LRP1B: variants seen among roughly 807,000 people sequenced by gnomAD.
The protein encoded by LRP1B is low-density lipoprotein receptor-related protein 1B.
Under a neutral mutation model 556.6 loss-of-function variants are expected in LRP1B, and 217 were observed. That is an observed-to-expected ratio of 0.39 (90% CI 0.35 to 0.44). LRP1B has a LOEUF of 0.44. Ranked by LOEUF, LRP1B falls within the 20% of genes least tolerant of loss-of-function variation. The pLI is 1.00. For missense variants in LRP1B, 5,053 were observed against 5,620.8 expected, an observed-to-expected ratio of 0.90 and a Z score of 3.23; for synonymous variants, 2,047 against 1,865.8, an observed-to-expected ratio of 1.10 and a Z score of -2.50.
chr2:141,520,752 C>T (rs141684796), intron 2 of LRP1B, among the ~76,000 whole-genome samples: 1 of 152,116 alleles, frequency 6.6e-6, no homozygotes, highest in Non-Finnish European at 1.5e-5. Flanking sequence ...GTATCTGTAA[C>T]TCCTTACAAT....
chr2:141,495,037 C>G (rs943074980), intron 2 of LRP1B, among the ~76,000 whole-genome samples: 11 of 151,860 alleles, frequency 7.2e-5, no homozygotes, highest in African/African-American at 2.4e-4. Context: ...TGTCTTGGCT[C>G]AGGAAAAAAT....
intron 2 of LRP1B, among the ~76,000 whole-genome samples, chr2:141,534,378 T>C (rs1684993998): frequency 6.6e-6 from 1 of 152,188 alleles, no homozygotes; most frequent in Admixed American, 6.6e-5. Flanking sequence ...CCCTTGCGTA[T>C]CCAAATATCA....
chr2:140,812,185 G>T lies in LRP1B; in HGVS notation c.5359+1472C>A, dbSNP rs1690952060. On this transcript the variant is annotated intron_variant, in intron 32 of 90. Transcript: ENST00000389484. The stretch of plus-strand genomic sequence containing the variant: ...AGGGAAACGTAGAGAGTGCTTTAAG[G>T]ACCAAATTAATAGGCATCAGATGCC... Among the ~76,000 whole-genome samples the T allele has an allele frequency of 1.3e-5, 2 of 152,038 alleles. 1 individual carries two copies. The highest frequency in any genetic ancestry group is 4.1e-4 in the South Asian group (2 of 4,830).
At chr2:140,597,765 A>G (rs144494894) in intron 43 of LRP1B, among the ~76,000 whole-genome samples, 2 of 152,282 alleles carry the variant, frequency 1.3e-5, no homozygotes, top group African/African-American at 4.8e-5. Flanking sequence ...TATATTCTCT[A>G]TGTCTGTGTT....
chr2:141,097,815 T>A (rs571378535), intron 7 of LRP1B, among the ~76,000 whole-genome samples: 1 of 152,306 alleles, frequency 6.6e-6, no homozygotes, highest in African/African-American at 2.4e-5. Flanking sequence ...CTTTTCTAAT[T>A]CATAAATGAA....
chr2:141,193,390 T>C (rs989380736), intron 6 of LRP1B, among the ~76,000 whole-genome samples: 5 of 151,958 alleles, frequency 3.3e-5, no homozygotes, highest in Non-Finnish European at 4.4e-5. Context: ...TGCATATATA[T>C]ACCATGGAAT....
At chr2:140,342,051 T>C in intron 77 of LRP1B, among the ~76,000 whole-genome samples, 1 of 151,434 alleles carries the variant, frequency 6.6e-6, no homozygotes, top group East Asian at 1.9e-4. Context: ...GAATGGCTAT[T>C]ATTAAAACAT....
chr2:141,794,178 GA>G (rs1335257502), intron 2 of LRP1B, among the ~76,000 whole-genome samples: 3 of 152,026 alleles, frequency 2.0e-5, no homozygotes, highest in African/African-American at 4.8e-5. Context: ...ACTCATGAAT[GA>G]ATGGGTTTTG....
At chr2:141,679,209 C>T (rs533303580) in intron 2 of LRP1B, among the ~76,000 whole-genome samples, 1 of 152,144 alleles carries the variant, frequency 6.6e-6, no homozygotes, top group Middle Eastern at 3.4e-3. Context: ...TGAATCTCCC[C>T]CAACAGAACC....
At chr2:140,642,871 C>A (rs970683231) in intron 41 of LRP1B, among the ~76,000 whole-genome samples, 7 of 151,102 alleles carry the variant, frequency 4.6e-5, no homozygotes, top group African/African-American at 1.7e-4. Context: ...AACAAACAAA[C>A]AAAAAAATGG....
chr2:142,079,518 T>C (rs1396350721), intron 1 of LRP1B, among the ~76,000 whole-genome samples: 1 of 152,098 alleles, frequency 6.6e-6, no homozygotes, highest in African/African-American at 2.4e-5. Flanking sequence ...TATTTTTTTA[T>C]TTTTTCTGAG....
At chr2:141,502,757 G>T (rs1163847174) in intron 2 of LRP1B, among the ~76,000 whole-genome samples, 7 of 151,914 alleles carry the variant, frequency 4.6e-5, no homozygotes, top group African/African-American at 1.7e-4. Context: ...TACTCAGGAG[G>T]CTGAGGCAGG....
At chr2:141,128,181 G>A (rs1479022818) in intron 7 of LRP1B, among the ~76,000 whole-genome samples, 1 of 152,126 alleles carries the variant, frequency 6.6e-6, no homozygotes, top group South Asian at 2.1e-4. Flanking sequence ...ACATAACAGA[G>A]TAATTTATGT....
At chr2:141,974,486 A>C (rs1234285419) in intron 1 of LRP1B, among the ~76,000 whole-genome samples, 1 of 152,002 alleles carries the variant, frequency 6.6e-6, no homozygotes, top group Non-Finnish European at 1.5e-5. Flanking sequence ...AGTGTTTGTC[A>C]CCAGTTAAAC....
intron 40 of LRP1B, among the ~76,000 whole-genome samples, chr2:140,701,082 A>T (rs1686621973): frequency 6.6e-6 from 1 of 152,102 alleles, no homozygotes; most frequent in South Asian, 2.1e-4. Flanking sequence ...TTCTTACTCC[A>T]ATTTTAAGTG....
chr2:140,921,985 G>A (rs1176603084), intron 21 of LRP1B, among the ~76,000 whole-genome samples: 1 of 152,016 alleles, frequency 6.6e-6, no homozygotes, highest in East Asian at 1.9e-4. Context: ...AAGAGCTCAT[G>A]ATTAAGCAAT....
chr2:141,618,990 A>T (rs551131450), intron 2 of LRP1B, among the ~76,000 whole-genome samples: 20 of 152,366 alleles, frequency 1.3e-4, no homozygotes, highest in African/African-American at 4.8e-4. Flanking sequence ...GTAAAACTTT[A>T]TAGGGAAGTT....
At chr2:140,507,046 C>A in intron 52 of LRP1B, 128 bp from the exon 53 acceptor site, 1 of 862,358 alleles carries the variant, frequency 1.2e-6, no homozygotes, top group Non-Finnish European at 1.7e-6. Flanking sequence ...GAAAACTTTG[C>A]ATAATATTCA....
At chr2:140,608,010 A>G (rs1377538277) in intron 41 of LRP1B, among the ~76,000 whole-genome samples, 2 of 151,852 alleles carry the variant, frequency 1.3e-5, no homozygotes, top group African/African-American at 4.8e-5. Flanking sequence ...AAATAAAATT[A>G]TTATCTAAAA....
Sources: gnomAD v4.1 joint callset for allele counts (sites outside exome capture counted in the v4.1 genomes callset) on GRCh38, gnomAD v4.1.1 for gene constraint, MANE v1.5 for transcripts, NCBI Gene and HGNC (gene_info 2026-07-23, HGNC 2026-07-21) for gene names.